NFIA: variants seen among roughly 807,000 people sequenced by gnomAD.
NFIA encodes nuclear factor 1 A-type.
NFIA carries 8 observed loss-of-function variants against 62.8 expected under a neutral mutation model. The observed-to-expected ratio is 0.13, with a 90% CI of 0.07 to 0.23. The LOEUF (loss-of-function observed/expected upper bound fraction) is 0.23, where lower values mean the gene tolerates loss of function less well. Among genes scored for constraint, NFIA ranks in the 10% least tolerant of loss-of-function variants. NFIA has a pLI of 1.00. For synonymous variants in NFIA, 235 were observed against 238.1 expected (o/e 0.99, Z 0.12); for missense variants, 410 against 642.1 (o/e 0.64, Z 3.91).
intron 6 of NFIA, among the ~76,000 whole-genome samples, chr1:61,371,639 A>T (rs1663891621): frequency 1.3e-5 from 2 of 152,216 alleles, no homozygotes; most frequent in African/African-American, 4.8e-5. Context: ...ACATAGATAA[A>T]GTCTTCCTTG....
At chr1:61,422,028 A>T (rs1414079691) in intron 9 of NFIA, among the ~76,000 whole-genome samples, 3 of 152,170 alleles carry the variant, frequency 2.0e-5, no homozygotes, top group African/African-American at 7.2e-5. Context: ...TTGGGAGGCC[A>T]AAGTGGGAGG....
chr1:61,174,519 T>C (rs1244153808), intron 2 of NFIA, among the ~76,000 whole-genome samples: 1 of 152,200 alleles, frequency 6.6e-6, no homozygotes, highest in Non-Finnish European at 1.5e-5. Context: ...AATTTGTTAC[T>C]CCTGGTCTCA....
intron 2 of NFIA, among the ~76,000 whole-genome samples, chr1:61,158,929 G>A (rs928759181): frequency 3.9e-5 from 6 of 152,142 alleles, no homozygotes; most frequent in Admixed American, 3.9e-4. Flanking sequence ...TGAAGAATGT[G>A]GGAAAGAAAT....
chr1:61,378,723 C>T (rs1277305515), intron 6 of NFIA, among the ~76,000 whole-genome samples: 2 of 152,148 alleles, frequency 1.3e-5, no homozygotes, highest in African/African-American at 4.8e-5. Flanking sequence ...GACTCCATTT[C>T]TTTCTGGAGC....
chr1:61,307,304 C>T (rs1557696263), intron 3 of NFIA, among the ~76,000 whole-genome samples: 1 of 152,122 alleles, frequency 6.6e-6, no homozygotes. Flanking sequence ...ACACAGAGAG[C>T]TAGCTAGCCC....
chr1:61,287,182 T>G (rs1658557588), intron 3 of NFIA, among the ~76,000 whole-genome samples: 1 of 152,094 alleles, frequency 6.6e-6, no homozygotes, highest in African/African-American at 2.4e-5. Context: ...AGATAATGAG[T>G]GTTCAGTGGG....
At chr1:61,298,588 G>C (rs981167017) in intron 3 of NFIA, among the ~76,000 whole-genome samples, 1 of 152,044 alleles carries the variant, frequency 6.6e-6, no homozygotes, top group Non-Finnish European at 1.5e-5. Flanking sequence ...CAGAAAACAG[G>C]CTTCTATTCC....
intron 9 of NFIA, among the ~76,000 whole-genome samples, chr1:61,418,251 C>T (rs1253086374): frequency 6.6e-6 from 1 of 152,026 alleles, no homozygotes; most frequent in Non-Finnish European, 1.5e-5. Context: ...ATGGCTTGAG[C>T]CCAGGAGTTC....
At chr1:61,414,627 G>T (rs1017487582) in intron 9 of NFIA, among the ~76,000 whole-genome samples, 1 of 151,298 alleles carries the variant, frequency 6.6e-6, no homozygotes, top group Non-Finnish European at 1.5e-5. Flanking sequence ...ATTGGTTTCT[G>T]TTCCAGAGAG....
chr1:61,149,328 A>G (rs1285607263), intron 2 of NFIA, among the ~76,000 whole-genome samples: 1 of 152,256 alleles, frequency 6.6e-6, no homozygotes, highest in East Asian at 1.9e-4. Flanking sequence ...TTGCTTTACA[A>G]TAATATATTT....
chr1:61,119,460 G>T (rs959587688), intron 2 of NFIA, among the ~76,000 whole-genome samples: 7 of 152,174 alleles, frequency 4.6e-5, no homozygotes, highest in African/African-American at 9.7e-5. Flanking sequence ...TTAATTAAGA[G>T]AAACTGTATG....
At chr1:61,161,586 AACACAC>A (rs56383204) in intron 2 of NFIA, among the ~76,000 whole-genome samples, 115,026 of 149,370 alleles carry the variant, frequency 0.77, 45,795 homozygotes, top group Non-Finnish European at 0.88. Context: ...CGCCATGTGC[AACACAC>A]ACACACACAC....
intron 9 of NFIA, among the ~76,000 whole-genome samples, chr1:61,420,002 G>A (rs752747764): frequency 1.2e-4 from 19 of 152,250 alleles, no homozygotes; most frequent in Non-Finnish European, 2.5e-4. Flanking sequence ...TAGAAATTCG[G>A]CGTAGTTATC....
intron 9 of NFIA, among the ~76,000 whole-genome samples, chr1:61,409,271 C>T (rs1665988703): frequency 6.6e-6 from 1 of 152,188 alleles, no homozygotes; most frequent in South Asian, 2.1e-4. Flanking sequence ...ACAAAATGTT[C>T]TACCGATGAC....
chr1:61,442,746 C>A (rs1451238404), intron 10 of NFIA, among the ~76,000 whole-genome samples: 1 of 152,182 alleles, frequency 6.6e-6, no homozygotes, highest in Non-Finnish European at 1.5e-5. Flanking sequence ...TTGGAATTGA[C>A]TGACCAATGA....
At chr1:61,283,782 A>G (rs1658314086) in intron 3 of NFIA, among the ~76,000 whole-genome samples, 1 of 152,050 alleles carries the variant, frequency 6.6e-6, no homozygotes, top group Non-Finnish European at 1.5e-5. Flanking sequence ...TGTATAGTAG[A>G]TATATTACAA....
At chr1:61,448,966 A>G (rs751046429) in intron 10 of NFIA, among the ~76,000 whole-genome samples, 1 of 152,166 alleles carries the variant, frequency 6.6e-6, no homozygotes, top group Non-Finnish European at 1.5e-5. Context: ...TTATTGGGTA[A>G]AAAGATTAGT....
intron 2 of NFIA, among the ~76,000 whole-genome samples, chr1:61,164,712 A>G (rs1649453213): frequency 6.6e-6 from 1 of 152,102 alleles, no homozygotes; most frequent in Non-Finnish European, 1.5e-5. Context: ...TGCCCACCTC[A>G]GCCTCCCAAA....
chr1:61,302,435 G>A (rs891812581), intron 3 of NFIA, among the ~76,000 whole-genome samples: 1 of 152,142 alleles, frequency 6.6e-6, no homozygotes, highest in African/African-American at 2.4e-5. Flanking sequence ...GACTAAGTGG[G>A]AATATGCAGC....
Sources: allele counts gnomAD v4.1 joint callset (sites outside exome capture counted in the v4.1 genomes callset), GRCh38; gene constraint gnomAD v4.1.1; transcripts MANE v1.5; gene names NCBI Gene and HGNC (gene_info 2026-07-23, HGNC 2026-07-21).